Variants in EYA4 observed in about 807,000 individuals in gnomAD.
EYA4 encodes protein phosphatase EYA4.
In EYA4, 31 loss-of-function variants were observed where a neutral mutation model predicts 87.9. The observed-to-expected ratio is 0.35, with a 90% CI of 0.27 to 0.48. The LOEUF is 0.48. Among genes scored for constraint, EYA4 ranks in the 20% least tolerant of loss-of-function variants. The pLI, the probability that EYA4 is intolerant of heterozygous loss-of-function variation, is 0.99. For missense variants in EYA4, 678 were observed against 761.4 expected, an observed-to-expected ratio of 0.89 and a Z score of 1.29; for synonymous variants, 263 against 270.6, an observed-to-expected ratio of 0.97 and a Z score of 0.28.
chr6:133,492,739 A>G lies in EYA4; in HGVS notation c.1191+9624A>G, dbSNP rs569345196. Among the ~76,000 whole-genome samples, 3 of 152,372 alleles carry G rather than the reference A, an allele frequency of 2.0e-5. No homozygotes were observed. In the South Asian group the frequency reaches 6.2e-4, roughly 32 times the overall value. On this transcript the variant is annotated intron_variant, in intron 13 of 19. Coordinates refer to ENST00000355286, the MANE Select transcript of EYA4 (RefSeq NM_004100.5). ...TTCCATCAAAAAACTATCAGAGCTGATAAAATCAGTAAAGTTGCAGGATAC... is the reference window on the plus strand; with the variant it reads ...TTCCATCAAAAAACTATCAGAGCTGGTAAAATCAGTAAAGTTGCAGGATAC...
At chr6:133,331,058 C>T in intron 2 of EYA4, among the ~76,000 whole-genome samples, 1 of 115,824 alleles carries the variant, frequency 8.6e-6, no homozygotes, top group East Asian at 2.9e-4. Context: ...TGCACCAGAA[C>T]CAGAAGTAGT....
intron 1 of EYA4, among the ~76,000 whole-genome samples, chr6:133,249,555 C>T (rs1315670305): frequency 6.6e-6 from 1 of 152,174 alleles, no homozygotes; most frequent in Non-Finnish European, 1.5e-5. Flanking sequence ...GCTCAGGTTG[C>T]TCTTCTCATC....
chr6:133,461,527 T>A (rs1356438383), intron 7 of EYA4, among the ~76,000 whole-genome samples: 2 of 152,132 alleles, frequency 1.3e-5, no homozygotes, highest in Non-Finnish European at 2.9e-5. Context: ...ATAAACATAT[T>A]TTTGAAGAAT....
intron 13 of EYA4, among the ~76,000 whole-genome samples, chr6:133,495,208 G>A (rs1333556653): frequency 6.6e-6 from 1 of 152,072 alleles, no homozygotes; most frequent in Non-Finnish European, 1.5e-5. Flanking sequence ...GGCAGAGGTT[G>A]CAGTGAGCTG....
rs780325557 is a variant in EYA4 at position 133,481,487 on chromosome 6, C to T, written c.995C>T (p.Pro332Leu). 6.2e-6 allele frequency: 10 copies of T among 1,613,684 alleles called. No homozygotes were observed. The East Asian group carries it at 2.2e-4, about 36-fold the overall frequency. Residue 332 changes from proline (P) to leucine (L), a missense_variant, in exon 12 of 20, where the codon CCC becomes CTC. Coordinates refer to ENST00000355286, the MANE Select transcript of EYA4 (RefSeq NM_004100.5). ...QPGEFDTMQS[P>L]STPIKDLDER... ...GGAGAGTTCGATACCATGCAGAGTCCCTCCACACCCATCAAAGATCTTGAT... is the reference window on the plus strand; with the variant it reads ...GGAGAGTTCGATACCATGCAGAGTCTCTCCACACCCATCAAAGATCTTGAT...
chr6:133,414,982 A>G (rs1021337746), intron 3 of EYA4, among the ~76,000 whole-genome samples: 9 of 152,026 alleles, frequency 5.9e-5, no homozygotes, highest in Non-Finnish European at 1.3e-4. Flanking sequence ...ATTTTATGCC[A>G]TATTTTTTAT....
chr6:133,382,203 T>A (rs1399494130), intron 2 of EYA4, among the ~76,000 whole-genome samples, 189 bp from the exon 3 acceptor site: 1 of 152,120 alleles, frequency 6.6e-6, no homozygotes, highest in Non-Finnish European at 1.5e-5. Flanking sequence ...TCCAGGGAAG[T>A]GTATTTGGCA....
chr6:133,489,796 G>A (rs1796986273), intron 13 of EYA4, among the ~76,000 whole-genome samples: 1 of 152,118 alleles, frequency 6.6e-6, no homozygotes, highest in African/African-American at 2.4e-5. Context: ...GGATGTTAAT[G>A]AGCAGTAAGA....
intron 2 of EYA4, among the ~76,000 whole-genome samples, chr6:133,336,528 A>G (rs989605379): frequency 4.6e-5 from 7 of 152,244 alleles, no homozygotes; most frequent in African/African-American, 9.6e-5. Context: ...GAGACATTCT[A>G]TAAGAATCCT....
intron 2 of EYA4, among the ~76,000 whole-genome samples, chr6:133,380,615 G>A (rs1365841832): frequency 1.3e-5 from 2 of 152,078 alleles, no homozygotes; most frequent in African/African-American, 4.8e-5. Context: ...TATTCATTGG[G>A]CAGTTCATAT....
chr6:133,305,650 T>C (rs1779746737), intron 2 of EYA4, among the ~76,000 whole-genome samples: 1 of 152,152 alleles, frequency 6.6e-6, no homozygotes, highest in African/African-American at 2.4e-5. Flanking sequence ...AGAGCATTCA[T>C]GGTGAGTTAG....
intron 2 of EYA4, among the ~76,000 whole-genome samples, chr6:133,312,431 G>A (rs955111067): frequency 1.3e-5 from 2 of 152,016 alleles, no homozygotes; most frequent in South Asian, 2.1e-4. Flanking sequence ...AAGAGAATAT[G>A]AGATCTACCT....
chr6:133,500,553 C>T (rs558785252), intron 13 of EYA4, among the ~76,000 whole-genome samples: 32 of 152,196 alleles, frequency 2.1e-4, no homozygotes, highest in African/African-American at 7.0e-4. Flanking sequence ...GCATATCTCT[C>T]CCAATTCTGT....
In EYA4 at chr6:133,519,480, A is replaced by C. The variant is rs1212037666; in HGVS notation, c.1617-3576A>C. 5.7e-4 allele frequency among the ~76,000 whole-genome samples: 86 copies of C among 151,318 alleles called. 1 individual carries two copies. In the Middle Eastern group the frequency reaches 0.021, roughly 36 times the overall value. On this transcript the variant is annotated intron_variant, in intron 17 of 19. Coordinates refer to ENST00000355286, the MANE Select transcript of EYA4 (RefSeq NM_004100.5). Reference sequence around the variant, plus strand: ...AATCTCTGAATAGACCAATAACAGGATCTGAAATTGTGGCAATAATCCATA... The same window carrying C: ...AATCTCTGAATAGACCAATAACAGGCTCTGAAATTGTGGCAATAATCCATA...
At chr6:133,493,701 A>C (rs1384084734) in intron 13 of EYA4, among the ~76,000 whole-genome samples, 2 of 152,242 alleles carry the variant, frequency 1.3e-5, no homozygotes, top group Non-Finnish European at 2.9e-5. Flanking sequence ...CCATTATACA[A>C]GGGATTAATA....
At chr6:133,315,127 C>G (rs1264019071) in intron 2 of EYA4, among the ~76,000 whole-genome samples, 1 of 152,162 alleles carries the variant, frequency 6.6e-6, no homozygotes, top group Non-Finnish European at 1.5e-5. Context: ...TGATGGAACC[C>G]CTGAACAATA....
At chr6:133,368,059 T>G (rs988414822) in intron 2 of EYA4, among the ~76,000 whole-genome samples, 1 of 152,168 alleles carries the variant, frequency 6.6e-6, no homozygotes. Context: ...TTAAAAATCA[T>G]CTATGCAATT....
intron 2 of EYA4, among the ~76,000 whole-genome samples, chr6:133,277,167 A>G (rs997979201): frequency 6.6e-6 from 1 of 152,182 alleles, no homozygotes; most frequent in Non-Finnish European, 1.5e-5. Context: ...TAGCAGTAGG[A>G]GTCATTTGTG....
Position 133,312,377 on chromosome 6 carries a change from C to T in EYA4, c.33+37564C>T, listed in dbSNP as rs936965368. On this transcript the variant is annotated intron_variant, in intron 2 of 19. Coordinates refer to ENST00000355286, the MANE Select transcript of EYA4 (RefSeq NM_004100.5). ...TACTTGTGTGTGTGTGAGAGAGAGG[C>T]GCGTGCACACACACACACACACACA... Among the ~76,000 whole-genome samples, 7 of 139,388 alleles carry T rather than the reference C, an allele frequency of 5.0e-5. No homozygotes were observed. In the South Asian group the frequency reaches 1.2e-3, roughly 23 times the overall value. The allele number at this position is 139,388 out of a possible 152,430, so 91.4% of individuals were successfully genotyped here. A position where few individuals can be genotyped will look rare whatever the true frequency, so the allele number is the denominator to read the frequency against.
Sources: gnomAD v4.1 joint callset for allele counts (sites outside exome capture counted in the v4.1 genomes callset) on GRCh38, gnomAD v4.1.1 for gene constraint, MANE v1.5 for transcripts, NCBI Gene and HGNC (gene_info 2026-07-23, HGNC 2026-07-21) for gene names.